The following GLP2R variants were observed in gnomAD, a reference collection of about 807,000 sequenced individuals.
GLP2R encodes glucagon like peptide 2 receptor.
A neutral mutation model predicts 68.2 loss-of-function variants in GLP2R; 59 were observed. The observed-to-expected ratio is 0.87, with a 90% CI of 0.70 to 1.07. The LOEUF is 1.07. Ranked by LOEUF, GLP2R falls within the 50% of genes least tolerant of loss-of-function variation. The probability of loss-of-function intolerance (pLI) is 0.00; values close to 1 mark genes in which losing one functional copy is unlikely to be tolerated. For synonymous variants in GLP2R, 270 were observed against 265.4 expected, an observed-to-expected ratio of 1.02 and a Z score of -0.17; for missense variants, 548 against 677.4, an observed-to-expected ratio of 0.81 and a Z score of 2.12.
At chr17:9,884,102 T>G (rs2067220631) in intron 11 of GLP2R, among the ~76,000 whole-genome samples, 1 of 152,036 alleles carries the variant, frequency 6.6e-6, no homozygotes, top group Non-Finnish European at 1.5e-5. Context: ...GAAGAATGAG[T>G]AAATAGAGAT....
At chr17:9,833,239 G>A (rs1443492754) in intron 1 of GLP2R, among the ~76,000 whole-genome samples, 1 of 151,450 alleles carries the variant, frequency 6.6e-6, no homozygotes, top group Non-Finnish European at 1.5e-5. Context: ...ACTCCAGCCT[G>A]GTAACAGATT....
chr17:9,856,462 G>GGT (rs2066934603), intron 5 of GLP2R, among the ~76,000 whole-genome samples: 1 of 152,120 alleles, frequency 6.6e-6, no homozygotes, highest in South Asian at 2.1e-4. Context: ...TATAGGACAG[G>GGT]GTGTGTGCTA....
At chr17:9,862,716 A>C (rs1014689485) in intron 9 of GLP2R, among the ~76,000 whole-genome samples, 1 of 152,190 alleles carries the variant, frequency 6.6e-6, no homozygotes, top group Non-Finnish European at 1.5e-5. Context: ...GAAAGTTAGC[A>C]AACACTGGGA....
At position 9,889,711 on chromosome 17, in the gene GLP2R, A is replaced by T; in HGVS notation, c.*6A>T. The T allele has an allele frequency of 6.6e-7, 1 of 1,512,988 alleles. No homozygotes were observed. The highest frequency in any genetic ancestry group is 8.9e-7 in the Non-Finnish European group (1 of 1,117,658). 93.7% of individuals were successfully genotyped at this position (1,512,988 alleles called of 1,614,324 possible). A position where few individuals can be genotyped will look rare whatever the true frequency, so the allele number is the denominator to read the frequency against. ...TGGAAGAGAGTGAGATCTAGGGTGG[A>T]GTTCCACCACCCTGGCTCTGCTCCC... On this transcript the variant is annotated 3_prime_UTR_variant, in exon 13 of 13. Coordinates refer to ENST00000262441, the MANE Select transcript of GLP2R (RefSeq NM_004246.3).
chr17:9,861,316 T>C (rs1299143922), intron 8 of GLP2R, 117 bp downstream of exon 8: 3 of 701,684 alleles, frequency 4.3e-6, no homozygotes, highest in Admixed American at 2.3e-5. Flanking sequence ...ATTTTGGCCA[T>C]CTAGAATATT....
chr17:9,888,619 A>G (rs1307744132), intron 12 of GLP2R, among the ~76,000 whole-genome samples: 1 of 152,110 alleles, frequency 6.6e-6, no homozygotes, highest in African/African-American at 2.4e-5. Context: ...GGTGCCCACC[A>G]CCACACTCAG....
intron 10 of GLP2R, among the ~76,000 whole-genome samples, chr17:9,878,060 A>T (rs1341314059): frequency 6.6e-6 from 1 of 152,230 alleles, no homozygotes; most frequent in African/African-American, 2.4e-5. Context: ...GCTTGTAGGC[A>T]TATAAGTCTG....
rs1313414806 is a variant in GLP2R, at chr17:9,890,179, C to A, written c.*474C>A. ...TAAGACAGTGAGTCTGGGACCATGG[C>A]CAGGAATTGGAGCTGTTTAATAAGC... On this transcript the variant is annotated 3_prime_UTR_variant, in exon 13 of 13. Transcript: ENST00000262441. 2.5e-6 allele frequency: 1 copy of A among 395,402 alleles called. No individual in the cohort carries two copies. The highest frequency in any genetic ancestry group is 2.1e-5 in the African/African-American group (1 of 47,656). The allele number at this position is 395,402 out of a possible 1,614,324, so 24.5% of individuals were successfully genotyped here.
intron 9 of GLP2R, among the ~76,000 whole-genome samples, chr17:9,863,884 G>A (rs1420202010): frequency 1.2e-4 from 19 of 152,150 alleles, no homozygotes; most frequent in Non-Finnish European, 2.8e-4. Flanking sequence ...AGCATATGGT[G>A]GGTTCTTGAT....
rs1408093477 is a variant in GLP2R at position 9,880,516 on chromosome 17, T to C, written c.1284T>C (p.His428=). The part of the protein sequence containing the change: ...LFIQLTLSSF[H]GFLVALQYGF... ...TTCAGTTGACACTGAGCTCCTTTCA[T>C]GTAAGTAGAAATCTGAACCAAAATG... The change falls in exon 11 of 13, where the codon CAT becomes CAC. Residue 428 remains histidine (H), a splice_region_variant and synonymous_variant. Transcript: ENST00000262441. 1 of 1,585,322 alleles carries C rather than the reference T, an allele frequency of 6.3e-7. No individual in the cohort carries two copies. Among genetic ancestry groups the C allele is most frequent in the Non-Finnish European group, 8.6e-7 (1 of 1,162,920 alleles).
At chr17:9,868,694 T>A (rs62066047) in intron 9 of GLP2R, among the ~76,000 whole-genome samples, 31,462 of 152,100 alleles carry the variant, frequency 0.21, 4,276 homozygotes, top group Non-Finnish European at 0.31. Flanking sequence ...AGTGAGGAAG[T>A]GCCTCCTTCG....
At chr17:9,851,414 A>G (rs1011167521) in intron 4 of GLP2R, among the ~76,000 whole-genome samples, 2 of 152,240 alleles carry the variant, frequency 1.3e-5, no homozygotes, top group African/African-American at 4.8e-5. Context: ...TGTGAAACAA[A>G]CCACAAGTAC....
At chr17:9,888,502 T>A (rs983436039) in intron 12 of GLP2R, among the ~76,000 whole-genome samples, 4 of 152,254 alleles carry the variant, frequency 2.6e-5, no homozygotes, top group African/African-American at 7.2e-5. Context: ...AGTCTCACTC[T>A]GTTGCCCAGG....
At position 9,890,274 on chromosome 17, in the gene GLP2R, C is replaced by A. The variant is rs888203220; in HGVS notation, c.*569C>A. 2.9e-6 allele frequency: 1 copy of A among 339,268 alleles called. No individual in the cohort carries two copies. The highest frequency in any genetic ancestry group is 5.8e-6 in the Non-Finnish European group (1 of 173,646). 21.0% of individuals were successfully genotyped at this position (339,268 alleles called of 1,614,324 possible). A position where few individuals can be genotyped will look rare whatever the true frequency, so the allele number is the denominator to read the frequency against. ...GCAGGGTGAGAGGGAGCTAGAAGCG[C>A]CCCCATGTGGCCATGGCAGGATGCT... On this transcript the variant is annotated 3_prime_UTR_variant, in exon 13 of 13. Coordinates refer to ENST00000262441, the MANE Select transcript of GLP2R (RefSeq NM_004246.3).
At chr17:9,883,897 A>G (rs1285500678) in intron 11 of GLP2R, among the ~76,000 whole-genome samples, 1 of 152,238 alleles carries the variant, frequency 6.6e-6, no homozygotes, top group Non-Finnish European at 1.5e-5. Context: ...AACAGACAGC[A>G]ACTCAAATCC....
intron 10 of GLP2R, among the ~76,000 whole-genome samples, chr17:9,875,431 A>G (rs2067134799): frequency 6.6e-6 from 1 of 152,184 alleles, no homozygotes; most frequent in Admixed American, 6.5e-5. Context: ...GGCTGCCTCC[A>G]ATTCTTGAAG....
chr17:9,843,326 G>A (rs936145875), intron 4 of GLP2R, among the ~76,000 whole-genome samples: 1 of 152,234 alleles, frequency 6.6e-6, no homozygotes, highest in Non-Finnish European at 1.5e-5. Flanking sequence ...TCCAGACTCT[G>A]CTCTTCCCGG....
intron 10 of GLP2R, among the ~76,000 whole-genome samples, chr17:9,873,795 T>C (rs2067119775): frequency 1.3e-5 from 2 of 152,048 alleles, no homozygotes; most frequent in Non-Finnish European, 2.9e-5. Flanking sequence ...ATCAACTCTA[T>C]TGCACTCTGC....
rs113904506 is a variant in GLP2R, at chr17:9,872,405, T to G, written c.1145+1570T>G. ...TAGCCTGGCCAACATGGCAAAACCCTGTCTCTACTAAAAATACAAAAATTA... is the reference window on the plus strand; with the variant it reads ...TAGCCTGGCCAACATGGCAAAACCCGGTCTCTACTAAAAATACAAAAATTA... On this transcript the variant is annotated intron_variant, in intron 10 of 12. Coordinates refer to ENST00000262441, the MANE Select transcript of GLP2R (RefSeq NM_004246.3). 2.4e-3 allele frequency among the ~76,000 whole-genome samples: 368 copies of G among 152,214 alleles called. 2 individuals are homozygous for G. Among genetic ancestry groups the G allele is most frequent in the African/African-American group, 8.4e-3 (350 of 41,544 alleles).
Sources: allele counts gnomAD v4.1 joint callset (sites outside exome capture counted in the v4.1 genomes callset), GRCh38; gene constraint gnomAD v4.1.1; transcripts MANE v1.5; gene names NCBI Gene and HGNC (gene_info 2026-07-23, HGNC 2026-07-21).